Variants in RHEX observed in about 807,000 individuals in gnomAD.
RHEX encodes regulator of hemoglobinization and erythroid cell expansion, also known as regulator of hemoglobinization and erythroid cell expansion protein.
Under a neutral mutation model 20.1 loss-of-function variants are expected in RHEX, and 18 were observed. The ratio of observed to expected loss-of-function variants is 0.90; its 90% confidence interval spans 0.62 to 1.33. The LOEUF (loss-of-function observed/expected upper bound fraction) is 1.33. Among genes scored for constraint, RHEX ranks in the 40% most tolerant of loss-of-function variants. The probability of loss-of-function intolerance (pLI) is 0.00; values close to 1 mark genes in which losing one functional copy is unlikely to be tolerated. For missense variants in RHEX, 192 were observed against 214.3 expected (o/e 0.90, Z 0.65); for synonymous variants, 87 against 77.1 (o/e 1.13, Z -0.67).
intron 1 of RHEX, among the ~76,000 whole-genome samples, chr1:206,096,784 T>TTTTTTTTTTG (rs1663080184): frequency 6.7e-6 from 1 of 149,254 alleles, no homozygotes; most frequent in African/African-American, 2.5e-5. Context: ...TTTTTTGGTT[T>TTTTTTTTTTG]TTTTTTTTGA....
intron 1 of RHEX, among the ~76,000 whole-genome samples, chr1:206,066,387 C>G (rs782733106): frequency 6.6e-6 from 1 of 152,188 alleles, no homozygotes. Flanking sequence ...AAGGCCGAGG[C>G]GGACGGATCA....
intron 1 of RHEX, among the ~76,000 whole-genome samples, chr1:206,093,954 C>T (rs1195727331): frequency 6.6e-6 from 1 of 152,074 alleles, no homozygotes; most frequent in Non-Finnish European, 1.5e-5. Flanking sequence ...GCTGAGATTA[C>T]AAGCATGAGC....
chr1:206,102,204 G>C lies in RHEX; in HGVS notation c.*252G>C, dbSNP rs1663206577. 9.6e-6 allele frequency: 5 copies of C among 519,570 alleles called. No homozygotes were observed. Among genetic ancestry groups the C allele is most frequent in the Non-Finnish European group, 1.7e-5 (5 of 290,926 alleles). The allele number at this position is 519,570 out of a possible 1,614,324, so 32.2% of individuals were successfully genotyped here. ...GGCTTGGCTGGGAAAACAGGCCAATGCCCCGGCAAGAAAGGTTGAGATCAG... is the reference window on the plus strand; with the variant it reads ...GGCTTGGCTGGGAAAACAGGCCAATCCCCCGGCAAGAAAGGTTGAGATCAG... On this transcript the variant is annotated 3_prime_UTR_variant, in exon 6 of 6. Coordinates refer to ENST00000331555, the MANE Select transcript of RHEX (RefSeq NM_001007544.4).
In RHEX at chr1:206,096,784, T is replaced by TG. The variant is rs1356524040; in HGVS notation, c.-96-949_-96-948insG. ...TCCCCTGTTTTTTTTTTTTTTGGTTTTTTTTTTTGAGACAGGGTCTTGCTC... is the reference window on the plus strand; with the variant it reads ...TCCCCTGTTTTTTTTTTTTTTGGTTTGTTTTTTTTGAGACAGGGTCTTGCTC... On this transcript the variant is annotated intron_variant, in intron 1 of 5. Coordinates refer to ENST00000331555, the MANE Select transcript of RHEX (RefSeq NM_001007544.4). Among the ~76,000 whole-genome samples the TG allele has an allele frequency of 4.3e-3, 649 of 149,350 alleles. 2 individuals are homozygous for TG. Among genetic ancestry groups the TG allele is most frequent in the Middle Eastern group, 0.014 (4 of 292 alleles).
intron 1 of RHEX, among the ~76,000 whole-genome samples, chr1:206,096,006 T>A (rs1252685775): frequency 6.6e-6 from 1 of 152,104 alleles, no homozygotes; most frequent in Non-Finnish European, 1.5e-5. Context: ...TTTTTTTGTA[T>A]GTTTTTAGAG....
intron 1 of RHEX, among the ~76,000 whole-genome samples, chr1:206,088,953 G>A (rs1435419372): frequency 6.6e-6 from 1 of 151,876 alleles, no homozygotes; most frequent in Non-Finnish European, 1.5e-5. Context: ...CCAAGTATCT[G>A]GGAGTACAGG....
chr1:206,101,062 CT>C, intron 4 of RHEX, 73 bp from the exon 5 acceptor site: 1 of 1,179,434 alleles, frequency 8.5e-7, no homozygotes, highest in Non-Finnish European at 1.2e-6. Flanking sequence ...ACAATTCTCC[CT>C]TCCATTGTCT....
chr1:206,097,902 C>G, intron 2 of RHEX, 63 bp downstream of exon 2: 1 of 1,325,262 alleles, frequency 7.5e-7, no homozygotes, highest in South Asian at 1.2e-5. Flanking sequence ...TAGCTGTCTT[C>G]CAAGCACACA....
intron 1 of RHEX, among the ~76,000 whole-genome samples, chr1:206,088,360 C>T (rs541310559): frequency 7.9e-5 from 12 of 152,106 alleles, no homozygotes; most frequent in African/African-American, 2.9e-4. Flanking sequence ...ATGAATAAAT[C>T]TATATTTGAT....
intron 1 of RHEX, among the ~76,000 whole-genome samples, chr1:206,088,498 C>A (rs1429356476): frequency 3.3e-5 from 5 of 152,142 alleles, no homozygotes; most frequent in Admixed American, 2.6e-4. Flanking sequence ...GCCTGGCCAA[C>A]ATGGTGAAAT....
At chr1:206,059,417 C>T (rs974500537) in intron 1 of RHEX, among the ~76,000 whole-genome samples, 2 of 152,128 alleles carry the variant, frequency 1.3e-5, no homozygotes, top group Non-Finnish European at 2.9e-5. Flanking sequence ...TTTTGTGTTC[C>T]CAGATGCTAT....
In RHEX at chr1:206,101,182, G is replaced by T. The variant is rs75501563; in HGVS notation, c.303G>T (p.Ser101=). Residue 101 remains serine, a synonymous_variant, in exon 5 of 6, where the codon TCG becomes TCT. Transcript: ENST00000331555. ...PSDSLDSSCS[S]PPACQATEDV... is the part of the protein sequence containing the mutation. ...ATAGCTTGGATAGCTCCTGCAGTTCGCCTCCTGCCTGCCAGGTAATGGATG... is the reference window on the plus strand; with the variant it reads ...ATAGCTTGGATAGCTCCTGCAGTTCTCCTCCTGCCTGCCAGGTAATGGATG... 4 of 1,611,784 alleles carry T rather than the reference G, an allele frequency of 2.5e-6. No individual in the cohort carries two copies. The highest frequency in any genetic ancestry group is 3.4e-6 in the Non-Finnish European group (4 of 1,178,982).
At chr1:206,081,238 C>T (rs534923365) in intron 1 of RHEX, among the ~76,000 whole-genome samples, 3 of 152,332 alleles carry the variant, frequency 2.0e-5, no homozygotes, top group African/African-American at 7.2e-5. Context: ...TTAATTCACT[C>T]ATTTATCCAT....
chr1:206,078,787 G>A (rs535185388), intron 1 of RHEX, among the ~76,000 whole-genome samples: 14 of 152,182 alleles, frequency 9.2e-5, no homozygotes, highest in African/African-American at 2.9e-4. Context: ...AGGTGCCTGG[G>A]GGGGCAAGAA....
chr1:206,073,303 A>C (rs558725693), intron 1 of RHEX, among the ~76,000 whole-genome samples: 16 of 152,296 alleles, frequency 1.1e-4, no homozygotes, highest in African/African-American at 3.6e-4. Flanking sequence ...CATTGCCAGC[A>C]GCAGACAGGT....
chr1:206,056,491 T>C (rs940741233), intron 1 of RHEX: 1 of 152,290 alleles, frequency 6.6e-6, no homozygotes, highest in African/African-American at 2.4e-5. Flanking sequence ...TACATTCCTA[T>C]TATTTTATGG....
At chr1:206,098,369 C>T (rs1663121611) in intron 3 of RHEX, 188 bp downstream of exon 3, 4 of 574,552 alleles carry the variant, frequency 7.0e-6, no homozygotes, top group Non-Finnish European at 1.3e-5. Flanking sequence ...CCCACTCTGA[C>T]CTCACCTTTT....
chr1:206,054,972 G>A (rs1394518076), intron 1 of RHEX, among the ~76,000 whole-genome samples: 2 of 152,284 alleles, frequency 1.3e-5, no homozygotes, highest in African/African-American at 2.4e-5. Context: ...GCAAGTGCCT[G>A]GCTGAAATGG....
chr1:206,089,827 C>T (rs1412386914), intron 1 of RHEX, among the ~76,000 whole-genome samples: 2 of 151,270 alleles, frequency 1.3e-5, no homozygotes, highest in African/African-American at 4.9e-5. Context: ...TTTGTGATTT[C>T]TTCCATTGCA....
Sources: allele counts gnomAD v4.1 joint callset (sites outside exome capture counted in the v4.1 genomes callset), GRCh38; gene constraint gnomAD v4.1.1; transcripts MANE v1.5; gene names NCBI Gene and HGNC (gene_info 2026-07-23, HGNC 2026-07-21).